Variants in GRM8 observed in about 807,000 individuals in gnomAD.
GRM8 encodes glutamate metabotropic receptor 8.
GRM8 carries 47 observed loss-of-function variants against 87.2 expected under a neutral mutation model. The observed-to-expected ratio is 0.54, with a 90% confidence interval of 0.43 to 0.69. GRM8 has a LOEUF of 0.69. GRM8 is among the 30% of genes least tolerant of loss of function. GRM8 has a pLI of 0.00. For missense variants in GRM8, 1,019 were observed against 1,139.2 expected, an observed-to-expected ratio of 0.89 and a Z score of 1.52; for synonymous variants, 396 against 404.5, an observed-to-expected ratio of 0.98 and a Z score of 0.25.
At chr7:126,599,748 T>A (rs887611615) in intron 8 of GRM8, among the ~76,000 whole-genome samples, 2 of 152,150 alleles carry the variant, frequency 1.3e-5, no homozygotes, top group Non-Finnish European at 2.9e-5. Context: ...AATGAATGTG[T>A]GTTTAAAGTT....
chr7:126,696,417 G>T (rs1395756090), intron 7 of GRM8, among the ~76,000 whole-genome samples: 2 of 151,942 alleles, frequency 1.3e-5, no homozygotes, highest in East Asian at 3.9e-4. Context: ...AGTGTGTGTT[G>T]TTCCCCTCCC....
intron 2 of GRM8, among the ~76,000 whole-genome samples, chr7:127,191,952 C>T (rs1469233893): frequency 6.6e-6 from 1 of 152,134 alleles, no homozygotes; most frequent in Non-Finnish European, 1.5e-5. Flanking sequence ...ATCTTCCATG[C>T]TCTGTTAACT....
chr7:127,242,571 C>G (rs1798370215), intron 2 of GRM8, 124 bp downstream of exon 2: 2 of 845,126 alleles, frequency 2.4e-6, no homozygotes, highest in Non-Finnish European at 3.7e-6. Flanking sequence ...TTTGAGGAAC[C>G]TGGTAACACC....
chr7:126,678,216 C>T (rs1308741525), intron 7 of GRM8, among the ~76,000 whole-genome samples: 5 of 152,202 alleles, frequency 3.3e-5, no homozygotes, highest in South Asian at 2.1e-4. Context: ...TTAGGATTTA[C>T]GCAGATCTAA....
intron 3 of GRM8, among the ~76,000 whole-genome samples, chr7:127,048,537 C>T (rs974368743): frequency 2.0e-5 from 3 of 152,168 alleles, no homozygotes; most frequent in African/African-American, 7.2e-5. Flanking sequence ...GAGGCCATGG[C>T]AGTATTGAGA....
At chr7:126,536,812 G>C (rs181960442) in intron 8 of GRM8, among the ~76,000 whole-genome samples, 92 of 152,132 alleles carry the variant, frequency 6.0e-4, no homozygotes, top group Admixed American at 5.2e-4. Flanking sequence ...TAGATTTACA[G>C]TGTTCCTGCT....
chr7:126,758,624 C>T (rs886179), intron 7 of GRM8, among the ~76,000 whole-genome samples: 59,440 of 151,982 alleles, frequency 0.39, 12,824 homozygotes, highest in Non-Finnish European at 0.48. Context: ...TTTGGGCACA[C>T]AATAGACATT....
rs535477996 is a variant in GRM8, at chr7:127,012,411, C to T, written c.727+94085G>A. Among the ~76,000 whole-genome samples the T allele has an allele frequency of 5.7e-4, 86 of 152,194 alleles. 1 individual carries two copies. Among genetic ancestry groups the T allele is most frequent in the Admixed American group, 6.5e-4 (10 of 15,270 alleles). ...GGATGCACACTAATTCCTAGGATTT[C>T]AGTATCTTATGTGACAGCTTTATCT... On this transcript the variant is annotated intron_variant, in intron 3 of 10. Transcript: ENST00000339582.
chr7:126,548,818 T>A (rs150250832), intron 8 of GRM8, among the ~76,000 whole-genome samples: 1 of 152,162 alleles, frequency 6.6e-6, no homozygotes, highest in African/African-American at 2.4e-5. Context: ...CATCTGAAAC[T>A]AGGGGCAGAA....
chr7:126,939,137 T>C (rs1337794586), intron 3 of GRM8, among the ~76,000 whole-genome samples: 2 of 152,168 alleles, frequency 1.3e-5, no homozygotes, highest in African/African-American at 4.8e-5. Flanking sequence ...GAGACTGACC[T>C]CTTTCTCAGG....
chr7:127,087,703 A>C (rs1011653485), intron 3 of GRM8, among the ~76,000 whole-genome samples: 6 of 152,224 alleles, frequency 3.9e-5, no homozygotes, highest in African/African-American at 1.4e-4. Context: ...CACAGTAAAC[A>C]CTAATGCAGC....
intron 3 of GRM8, among the ~76,000 whole-genome samples, chr7:127,062,417 G>C (rs882894): frequency 0.26 from 38,941 of 152,080 alleles, 5,877 homozygotes; most frequent in Non-Finnish European, 0.35. Context: ...GATTCAGGAG[G>C]AATTGGAGGA....
At chr7:127,089,096 G>A (rs1340888470) in intron 3 of GRM8, among the ~76,000 whole-genome samples, 2 of 152,186 alleles carry the variant, frequency 1.3e-5, no homozygotes, top group Admixed American at 1.3e-4. Flanking sequence ...ACTGCAGTAG[G>A]GAATTCGAGA....
chr7:127,036,665 G>A (rs369362774), intron 3 of GRM8, among the ~76,000 whole-genome samples: 3 of 152,310 alleles, frequency 2.0e-5, no homozygotes, highest in Admixed American at 6.5e-5. Flanking sequence ...AGAGCCAAAT[G>A]TGGGGTTTGA....
At chr7:126,576,046 A>G (rs990594820) in intron 8 of GRM8, among the ~76,000 whole-genome samples, 1 of 152,182 alleles carries the variant, frequency 6.6e-6, no homozygotes, top group Non-Finnish European at 1.5e-5. Flanking sequence ...AGCCCTTTCT[A>G]GTCTCTGAGC....
chr7:126,600,947 A>G (rs554615998), intron 8 of GRM8, among the ~76,000 whole-genome samples: 2 of 151,788 alleles, frequency 1.3e-5, no homozygotes, highest in South Asian at 4.2e-4. Context: ...TTTTTTTATT[A>G]TACTTTAAGT....
intron 6 of GRM8, among the ~76,000 whole-genome samples, chr7:126,807,017 G>A (rs572282728): frequency 2.4e-4 from 37 of 152,318 alleles, no homozygotes; most frequent in African/African-American, 7.2e-4. Flanking sequence ...ACAAGGAACC[G>A]AGAGTGAGCG....
At chr7:126,783,926 G>A (rs1258119249) in intron 6 of GRM8, among the ~76,000 whole-genome samples, 1 of 152,116 alleles carries the variant, frequency 6.6e-6, no homozygotes, top group African/African-American at 2.4e-5. Flanking sequence ...GTGTTCATTA[G>A]GCAGACCTCA....
chr7:126,734,122 TCCC>T (rs1813921076), intron 7 of GRM8, among the ~76,000 whole-genome samples: 1 of 151,968 alleles, frequency 6.6e-6, no homozygotes, highest in Non-Finnish European at 1.5e-5. Flanking sequence ...AGTGGGAATT[TCCC>T]AGAACTACAT....
Sources: allele counts gnomAD v4.1 joint callset (sites outside exome capture counted in the v4.1 genomes callset), GRCh38; gene constraint gnomAD v4.1.1; transcripts MANE v1.5; gene names NCBI Gene and HGNC (gene_info 2026-07-23, HGNC 2026-07-21).